The following LTBP1 variants were observed in gnomAD, a reference collection of about 807,000 sequenced individuals.
The protein encoded by LTBP1 is latent transforming growth factor beta binding protein 1, also known as latent-transforming growth factor beta-binding protein 1.
LTBP1 carries 129 observed loss-of-function variants against 207.6 expected under a neutral mutation model. The observed-to-expected ratio is 0.62, with a 90% CI of 0.54 to 0.72. LTBP1 has a LOEUF of 0.72. LTBP1 is among the 30% of genes least tolerant of loss of function. The pLI is 0.00. For missense variants in LTBP1, 2,281 were observed against 2,217.2 expected (o/e 1.03, Z -0.58); for synonymous variants, 963 against 833.7 (o/e 1.16, Z -2.67).
chr2:33,077,021 A>G (rs1015289944), intron 3 of LTBP1, among the ~76,000 whole-genome samples: 10 of 152,168 alleles, frequency 6.6e-5, no homozygotes, highest in African/African-American at 2.2e-4. Flanking sequence ...GCCAGTTGAG[A>G]TATACTTCTA....
intron 9 of LTBP1, among the ~76,000 whole-genome samples, chr2:33,226,015 C>G (rs1205032900): frequency 6.6e-6 from 1 of 152,160 alleles, no homozygotes; most frequent in Non-Finnish European, 1.5e-5. Flanking sequence ...CATATCTTGG[C>G]TATTATGACT....
intron 26 of LTBP1, among the ~76,000 whole-genome samples, chr2:33,350,054 C>A (rs1397594329): frequency 6.6e-6 from 1 of 152,164 alleles, no homozygotes; most frequent in Non-Finnish European, 1.5e-5. Flanking sequence ...GTACCCTGTC[C>A]AGTAAAAGAA....
intron 2 of LTBP1, among the ~76,000 whole-genome samples, chr2:32,989,625 A>G (rs1420895511): frequency 6.6e-6 from 1 of 152,184 alleles, no homozygotes; most frequent in African/African-American, 2.4e-5. Context: ...TGTCTGGGGA[A>G]CAAGTCCCTT....
At chr2:33,123,105 T>G in intron 4 of LTBP1, among the ~76,000 whole-genome samples, 1 of 152,242 alleles carries the variant, frequency 6.6e-6, no homozygotes, top group East Asian at 1.9e-4. Flanking sequence ...CCACATTCCC[T>G]CTTTCCACAT....
intron 5 of LTBP1, among the ~76,000 whole-genome samples, chr2:33,147,453 G>T (rs1279797496): frequency 1.3e-5 from 2 of 152,174 alleles, no homozygotes; most frequent in African/African-American, 2.4e-5. Context: ...TCTGTGAGTT[G>T]TAAAGGTCTA....
chr2:33,346,611 G>A lies in LTBP1; in HGVS notation c.3857-756G>A, dbSNP rs143708824. On this transcript the variant is annotated intron_variant, in intron 25 of 33. Coordinates refer to ENST00000404816, the MANE Select transcript of LTBP1 (RefSeq NM_206943.4). ...AGTCAGGAGAATCACTTGAACCCGGGAGACAGAGGTTGCGAGTGAGCTGAG... is the reference window on the plus strand; with the variant it reads ...AGTCAGGAGAATCACTTGAACCCGGAAGACAGAGGTTGCGAGTGAGCTGAG... Among the ~76,000 whole-genome samples the A allele has an allele frequency of 4.1e-3, 619 of 151,982 alleles. 1 individual carries two copies. The highest frequency in any genetic ancestry group is 0.014 in the African/African-American group (587 of 41,450).
intron 7 of LTBP1, among the ~76,000 whole-genome samples, chr2:33,213,440 T>C (rs1361679148): frequency 5.3e-5 from 8 of 152,244 alleles, no homozygotes; most frequent in Non-Finnish European, 1.2e-4. Context: ...TATATCTGTG[T>C]GATTACATCT....
At chr2:33,017,731 C>T (rs904368485) in intron 2 of LTBP1, among the ~76,000 whole-genome samples, 1 of 152,226 alleles carries the variant, frequency 6.6e-6, no homozygotes, top group Non-Finnish European at 1.5e-5. Context: ...ATTCTTCTGC[C>T]TCAGCCTCCC....
chr2:32,987,043 G>A (rs899768971), intron 2 of LTBP1, among the ~76,000 whole-genome samples: 5 of 152,148 alleles, frequency 3.3e-5, no homozygotes, highest in African/African-American at 1.2e-4. Context: ...CTTATGGACT[G>A]TGGGTGCATT....
At chr2:33,266,279 C>T (rs1047858085) in intron 15 of LTBP1, among the ~76,000 whole-genome samples, 2 of 152,184 alleles carry the variant, frequency 1.3e-5, no homozygotes, top group Non-Finnish European at 2.9e-5. Flanking sequence ...ACATTGGGCA[C>T]CAATGAGCAT....
chr2:33,222,688 A>G (rs1019254347), intron 9 of LTBP1, among the ~76,000 whole-genome samples: 1 of 152,198 alleles, frequency 6.6e-6, no homozygotes, highest in Non-Finnish European at 1.5e-5. Context: ...TGAACAGTAC[A>G]GCAAAGTTGT....
intron 4 of LTBP1, among the ~76,000 whole-genome samples, chr2:33,114,534 C>T (rs140028065): frequency 4.6e-5 from 7 of 152,314 alleles, no homozygotes; most frequent in Non-Finnish European, 1.0e-4. Context: ...CTGCTTCTAG[C>T]AGCTGTCCTT....
intron 18 of LTBP1, among the ~76,000 whole-genome samples, chr2:33,279,702 T>C (rs530124370): frequency 9.8e-5 from 15 of 152,340 alleles, no homozygotes; most frequent in Non-Finnish European, 1.9e-4. Flanking sequence ...TGTATTTCTT[T>C]CTGGAAAGCT....
At chr2:33,087,084 C>CTTTTTTTTTTT (rs35334788) in intron 3 of LTBP1, among the ~76,000 whole-genome samples, 911 of 88,790 alleles carry the variant, frequency 0.01, 74 homozygotes, top group Non-Finnish European at 0.015. Context: ...CTCCTTTATG[C>CTTTTTTTTTTT]TTTTTTTTTT....
At chr2:33,203,615 C>A (rs1227972329) in intron 7 of LTBP1, among the ~76,000 whole-genome samples, 2 of 152,086 alleles carry the variant, frequency 1.3e-5, no homozygotes, top group Non-Finnish European at 2.9e-5. Flanking sequence ...CTCCCTAAGC[C>A]CCTCCTCTCA....
At chr2:32,949,041 G>A (rs776901646) in intron 2 of LTBP1, 96 bp downstream of exon 2, 95 of 1,203,802 alleles carry the variant, frequency 7.9e-5, no homozygotes, top group Middle Eastern at 6.6e-4. Flanking sequence ...GAAAGGGCTC[G>A]GGGGAAGTTG....
chr2:33,347,254 C>T, intron 25 of LTBP1, 113 bp from the exon 26 acceptor site: 1 of 1,204,882 alleles, frequency 8.3e-7, no homozygotes, highest in Non-Finnish European at 1.2e-6. Context: ...TGACTGCTCT[C>T]TGGGGATCGC....
chr2:33,174,846 A>G (rs1421139844), intron 5 of LTBP1, among the ~76,000 whole-genome samples: 15 of 152,132 alleles, frequency 9.9e-5, no homozygotes, highest in Admixed American at 3.3e-4. Context: ...CCTCAGAAAT[A>G]ACGCCGCATA....
chr2:33,152,816 C>T (rs2083647699), intron 5 of LTBP1, among the ~76,000 whole-genome samples: 1 of 152,098 alleles, frequency 6.6e-6, no homozygotes, highest in Non-Finnish European at 1.5e-5. Context: ...CAAGAAAAAC[C>T]TGGGATTTCC....
Sources: allele counts gnomAD v4.1 joint callset (sites outside exome capture counted in the v4.1 genomes callset), GRCh38; gene constraint gnomAD v4.1.1; transcripts MANE v1.5; gene names NCBI Gene and HGNC (gene_info 2026-07-23, HGNC 2026-07-21).